The following RIN2 variants were observed in gnomAD, a reference collection of about 807,000 sequenced individuals.
RIN2 encodes RAB5 interacting protein 2.
RIN2 carries 36 observed loss-of-function variants against 78.0 expected under a neutral mutation model. The observed-to-expected ratio is 0.46, with a 90% CI of 0.35 to 0.61. The LOEUF is 0.61. Among genes scored for constraint, RIN2 ranks in the 20% least tolerant of loss-of-function variants. RIN2 has a pLI of 0.00. For missense variants in RIN2, 1,087 were observed against 1,159.7 expected, an observed-to-expected ratio of 0.94 and a Z score of 0.91; for synonymous variants, 466 against 466.8, an observed-to-expected ratio of 1.00 and a Z score of 0.02.
At chr20:19,958,853 A>G (rs2041642493) in intron 5 of RIN2, among the ~76,000 whole-genome samples, 1 of 152,152 alleles carries the variant, frequency 6.6e-6, no homozygotes, top group African/African-American at 2.4e-5. Context: ...TGAATGACAG[A>G]CCAAGACTCC....
At chr20:19,999,380 A>G (rs6075602) in intron 12 of RIN2, among the ~76,000 whole-genome samples, 25,914 of 152,142 alleles carry the variant, frequency 0.17, 2,675 homozygotes, top group South Asian at 0.29. Context: ...CACTGGAAGC[A>G]GATATGAAAC....
chr20:19,758,254 A>G (rs2033459145), upstream of RIN2: 1 of 150,096 alleles, frequency 6.7e-6, no homozygotes, highest in Non-Finnish European at 1.5e-5. Flanking sequence ...GGGCGGGGAA[A>G]CCCAGCCCCG....
At chr20:19,980,092 G>A (rs2042401002) in intron 9 of RIN2, among the ~76,000 whole-genome samples, 1 of 149,110 alleles carries the variant, frequency 6.7e-6, no homozygotes, top group Admixed American at 6.7e-5. Context: ...TAGCCAGGGA[G>A]GCATGTTAGT....
intron 2 of RIN2, chr20:19,886,743 T>C (rs760847666): frequency 1.3e-6 from 2 of 1,546,988 alleles, no homozygotes; most frequent in Non-Finnish European, 1.7e-6. Flanking sequence ...TTCCAACCGG[T>C]ACAAGTCTGG....
At chr20:19,904,114 C>T (rs2123664000) in intron 3 of RIN2, among the ~76,000 whole-genome samples, 1 of 151,954 alleles carries the variant, frequency 6.6e-6, no homozygotes, top group East Asian at 1.9e-4. Context: ...CGTCTGTAAT[C>T]CCAGCCACTC....
At position 19,974,635 on chromosome 20, in the gene RIN2, C is replaced by T. The variant is rs77182595; in HGVS notation, c.629-19C>T. On this transcript the variant is annotated intron_variant, in intron 8 of 12. Transcript: ENST00000255006. ...TGTACCGTATTTACATTCTTGTGTT[C>T]ACTGATAATGACTTTCAGATTTCTG... 1.0e-3 allele frequency: 1,661 copies of T among 1,604,014 alleles called. 16 individuals carry two copies. The African/African-American group carries it at 0.019, about 18-fold the overall frequency.
chr20:19,923,001 C>A (rs899271505), intron 3 of RIN2, among the ~76,000 whole-genome samples: 5 of 152,220 alleles, frequency 3.3e-5, no homozygotes, highest in African/African-American at 1.2e-4. Flanking sequence ...TCATCCTGTC[C>A]TCCTTTTAAG....
chr20:19,924,375 CT>C (rs1336188701), intron 3 of RIN2, among the ~76,000 whole-genome samples: 6 of 50,102 alleles, frequency 1.2e-4, no homozygotes, highest in African/African-American at 4.2e-4. Flanking sequence ...CCTTCATACC[CT>C]CACCTTCGTA....
chr20:19,823,724 C>G lies in RIN2; in HGVS notation c.-37+23977C>G, dbSNP rs61737432. ...ATGATCATGGCAGAGGCAGAAGGCA[C>G]CACCTCAATCTGGGCCTGTCTGTTC... On this transcript the variant is annotated intron_variant, in intron 2 of 12. Coordinates refer to ENST00000255006, the MANE Select transcript of RIN2 (RefSeq NM_018993.4). The G allele has an allele frequency of 4.1e-4, 646 of 1,589,898 alleles. 1 individual carries two copies. In the African/African-American group the frequency reaches 4.5e-3, roughly 11 times the overall value.
At chr20:19,862,069 G>A (rs2037361882) in intron 2 of RIN2, among the ~76,000 whole-genome samples, 1 of 152,164 alleles carries the variant, frequency 6.6e-6, no homozygotes, top group Admixed American at 6.5e-5. Context: ...TTTCTTCACT[G>A]CCACTATCCC....
Position 19,801,543 on chromosome 20 carries a change from A to G in RIN2, c.-37+1796A>G, listed in dbSNP as rs1030027299. Among the ~76,000 whole-genome samples the G allele has an allele frequency of 5.9e-5, 9 of 152,002 alleles. No individual in the cohort carries two copies. In the South Asian group the frequency reaches 1.7e-3, roughly 28 times the overall value. ...TCACTATGTTAGCCAGCATGGTCTC[A>G]ATCTCCTGACCTCGTGATCCGCCCG... is the stretch of plus-strand genomic sequence containing the variant. On this transcript the variant is annotated intron_variant, in intron 2 of 12. Coordinates refer to ENST00000255006, the MANE Select transcript of RIN2 (RefSeq NM_018993.4).
At chr20:19,949,009 G>A (rs1238649865) in intron 4 of RIN2, among the ~76,000 whole-genome samples, 1 of 151,708 alleles carries the variant, frequency 6.6e-6, no homozygotes, top group Non-Finnish European at 1.5e-5. Flanking sequence ...GCTGTACACC[G>A]TGGCTCACGC....
intron 2 of RIN2, among the ~76,000 whole-genome samples, chr20:19,875,205 C>A (rs1383432421): frequency 6.6e-6 from 1 of 151,874 alleles, no homozygotes; most frequent in Non-Finnish European, 1.5e-5. Context: ...GTTGCTCAGG[C>A]TGGAGTGCAG....
chr20:19,777,803 G>A (rs1465898577), intron 1 of RIN2, among the ~76,000 whole-genome samples: 2 of 152,240 alleles, frequency 1.3e-5, no homozygotes, highest in East Asian at 3.8e-4. Context: ...GCAAAGGCTT[G>A]TGTTGTGGCC....
At chr20:19,863,708 G>C (rs2037414556) in intron 2 of RIN2, among the ~76,000 whole-genome samples, 1 of 152,176 alleles carries the variant, frequency 6.6e-6, no homozygotes, top group African/African-American at 2.4e-5. Context: ...TTGCCTTGGG[G>C]TTTGCTTCTG....
chr20:19,762,422 A>C (rs1252043947), intron 1 of RIN2, among the ~76,000 whole-genome samples: 1 of 152,212 alleles, frequency 6.6e-6, no homozygotes, highest in South Asian at 2.1e-4. Flanking sequence ...TTTAACATTC[A>C]TCTGCAGACA....
At chr20:19,915,122 T>C (rs1262643889) in intron 3 of RIN2, among the ~76,000 whole-genome samples, 4 of 152,090 alleles carry the variant, frequency 2.6e-5, no homozygotes, top group Non-Finnish European at 4.4e-5. Context: ...AAGAAAAACA[T>C]TGTTTGGGTT....
chr20:19,889,726 T>TC, intron 3 of RIN2, 68 bp downstream of exon 3: 1 of 1,242,452 alleles, frequency 8.0e-7, no homozygotes, highest in Non-Finnish European at 1.1e-6. Flanking sequence ...GCTGCGGTGC[T>TC]CCATGGAGCT....
chr20:19,848,845 A>T (rs2036867747), intron 2 of RIN2, among the ~76,000 whole-genome samples: 1 of 152,208 alleles, frequency 6.6e-6, no homozygotes, highest in Admixed American at 6.5e-5. Flanking sequence ...ACTGTAATAT[A>T]CTATAATAGA....
Sources: gnomAD v4.1 joint callset for allele counts (sites outside exome capture counted in the v4.1 genomes callset) on GRCh38, gnomAD v4.1.1 for gene constraint, MANE v1.5 for transcripts, NCBI Gene and HGNC (gene_info 2026-07-23, HGNC 2026-07-21) for gene names.